AGBL4: variants seen among roughly 807,000 people sequenced by gnomAD.
AGBL4 encodes the protein cytosolic carboxypeptidase 6.
AGBL4 carries 58 observed loss-of-function variants against 66.4 expected under a neutral mutation model. The ratio of observed to expected loss-of-function variants is 0.87; its 90% CI spans 0.71 to 1.09. The LOEUF (loss-of-function observed/expected upper bound fraction) is 1.09, where lower values mean the gene tolerates loss of function less well. Among genes scored for constraint, AGBL4 ranks in the 50% least tolerant of loss-of-function variants. AGBL4 has a pLI of 0.00. For missense variants in AGBL4, 579 were observed against 631.0 expected, an observed-to-expected ratio of 0.92 and a Z score of 0.88; for synonymous variants, 234 against 222.9, an observed-to-expected ratio of 1.05 and a Z score of -0.44.
intron 4 of AGBL4, among the ~76,000 whole-genome samples, chr1:49,157,355 A>C (rs1646453437): frequency 6.7e-6 from 1 of 149,232 alleles, no homozygotes. Context: ...TTCTTGTCTT[A>C]GATTGCTGAG....
intron 3 of AGBL4, among the ~76,000 whole-genome samples, chr1:49,591,895 T>C (rs943051227): frequency 7.9e-5 from 12 of 152,076 alleles, no homozygotes; most frequent in African/African-American, 4.8e-5. Context: ...ATGCAGAAGA[T>C]TGAAAATCAA....
At chr1:49,352,009 C>T (rs952704021) in intron 3 of AGBL4, among the ~76,000 whole-genome samples, 7 of 152,170 alleles carry the variant, frequency 4.6e-5, no homozygotes, top group African/African-American at 1.7e-4. Context: ...CAATTAACTT[C>T]CTCTTGCCTA....
chr1:50,010,469 A>AACACACAC (rs113933841), intron 1 of AGBL4, among the ~76,000 whole-genome samples: 1,989 of 149,036 alleles, frequency 0.013, 19 homozygotes, highest in African/African-American at 0.027. Flanking sequence ...AGGAACCACA[A>AACACACAC]ACACACACAC....
At chr1:49,736,295 C>T (rs979054826) in intron 2 of AGBL4, among the ~76,000 whole-genome samples, 1 of 151,454 alleles carries the variant, frequency 6.6e-6, no homozygotes, top group African/African-American at 2.4e-5. Flanking sequence ...AAGAGTGACT[C>T]GTCATTAACA....
chr1:49,571,588 G>C (rs1644332073), intron 3 of AGBL4, among the ~76,000 whole-genome samples: 4 of 152,178 alleles, frequency 2.6e-5, no homozygotes, highest in Admixed American at 6.5e-5. Flanking sequence ...TGCCTGCCCT[G>C]GGAGGACTTT....
intron 5 of AGBL4, among the ~76,000 whole-genome samples, chr1:48,969,826 G>A (rs955706285): frequency 1.7e-4 from 26 of 152,114 alleles, no homozygotes; most frequent in African/African-American, 6.3e-4. Context: ...TATTATAATG[G>A]TTCAATTAAA....
chr1:48,587,563 G>GT (rs368155452), intron 10 of AGBL4, among the ~76,000 whole-genome samples: 57 of 151,876 alleles, frequency 3.8e-4, no homozygotes, highest in Middle Eastern at 3.4e-3. Context: ...AGGAGTGTGA[G>GT]TTCAGCCTAG....
chr1:48,900,165 G>A (rs1651944301), intron 5 of AGBL4, among the ~76,000 whole-genome samples: 1 of 152,164 alleles, frequency 6.6e-6, no homozygotes, highest in Non-Finnish European at 1.5e-5. Flanking sequence ...AGACCAGAGT[G>A]TCTGGAGTAT....
In AGBL4 at chr1:49,288,451, A is replaced by G. The variant is rs775850903; in HGVS notation, c.283-42587T>C. On this transcript the variant is annotated intron_variant, in intron 3 of 13. Transcript: ENST00000371839. ...AGCATTTGCTGAATCTGGTGAATCT[A>G]AGCTTGGCAAAATAGGGATTGGTTT... is the stretch of plus-strand genomic sequence containing the variant. Among the ~76,000 whole-genome samples, 7 of 152,256 alleles carry G rather than the reference A, an allele frequency of 4.6e-5. No homozygotes were observed. In the South Asian group the frequency reaches 6.2e-4, roughly 14 times the overall value.
intron 3 of AGBL4, among the ~76,000 whole-genome samples, chr1:49,312,868 T>C (rs1233593917): frequency 6.6e-6 from 1 of 152,086 alleles, no homozygotes; most frequent in African/African-American, 2.4e-5. Context: ...TTTAATTCAT[T>C]TCTTTTTTCT....
At chr1:48,649,278 T>C (rs548290436) in intron 8 of AGBL4, among the ~76,000 whole-genome samples, 85 of 152,250 alleles carry the variant, frequency 5.6e-4, no homozygotes, top group Non-Finnish European at 1.0e-3. Flanking sequence ...TATATTGCGA[T>C]CCCTGGGAAA....
At chr1:49,961,658 T>A (rs748041228) in intron 1 of AGBL4, among the ~76,000 whole-genome samples, 2 of 152,142 alleles carry the variant, frequency 1.3e-5, no homozygotes, top group South Asian at 4.1e-4. Context: ...TTAGTAAAGA[T>A]AATTTTCTTG....
chr1:49,106,843 T>G (rs1645302023), intron 4 of AGBL4, among the ~76,000 whole-genome samples: 1 of 152,186 alleles, frequency 6.6e-6, no homozygotes, highest in Non-Finnish European at 1.5e-5. Flanking sequence ...TGTTCTCTTT[T>G]ATTTATAACC....
At chr1:49,566,646 C>T (rs1271450299) in intron 3 of AGBL4, among the ~76,000 whole-genome samples, 2 of 152,164 alleles carry the variant, frequency 1.3e-5, no homozygotes, top group African/African-American at 4.8e-5. Flanking sequence ...GCTGCCTGAT[C>T]GTTCCTCTGG....
At chr1:48,888,770 T>C (rs1298975765) in intron 5 of AGBL4, among the ~76,000 whole-genome samples, 2 of 152,230 alleles carry the variant, frequency 1.3e-5, no homozygotes, top group African/African-American at 4.8e-5. Flanking sequence ...ACAAGCTCAA[T>C]GCAGGTAGGG....
At chr1:49,249,132 T>C (rs1651858335) in intron 3 of AGBL4, among the ~76,000 whole-genome samples, 1 of 152,198 alleles carries the variant, frequency 6.6e-6, no homozygotes, top group African/African-American at 2.4e-5. Flanking sequence ...GTGGCCTTGA[T>C]TCTGTCTTGT....
At chr1:49,281,257 G>A (rs1223858111) in intron 3 of AGBL4, among the ~76,000 whole-genome samples, 1 of 152,182 alleles carries the variant, frequency 6.6e-6, no homozygotes, top group Non-Finnish European at 1.5e-5. Flanking sequence ...TGCAAAAAGA[G>A]TACGAAAAAA....
At chr1:48,798,798 G>C (rs1645748260) in intron 6 of AGBL4, among the ~76,000 whole-genome samples, 1 of 152,030 alleles carries the variant, frequency 6.6e-6, no homozygotes. Context: ...TTATGTTCTT[G>C]TTCGCTTTGT....
chr1:49,976,648 A>C (rs1658580946), intron 1 of AGBL4, among the ~76,000 whole-genome samples: 1 of 152,240 alleles, frequency 6.6e-6, no homozygotes, highest in African/African-American at 2.4e-5. Context: ...GATTTACTTA[A>C]ACTTGTGCTA....
Sources: gnomAD v4.1 joint callset for allele counts (sites outside exome capture counted in the v4.1 genomes callset) on GRCh38, gnomAD v4.1.1 for gene constraint, MANE v1.5 for transcripts, NCBI Gene and HGNC (gene_info 2026-07-23, HGNC 2026-07-21) for gene names.